The following GLB1L2 variants were observed in gnomAD, a reference collection of about 807,000 sequenced individuals.
GLB1L2 encodes beta-galactosidase-1-like protein 2.
In GLB1L2, 68 loss-of-function variants were observed where a neutral mutation model predicts 84.1. The ratio of observed to expected loss-of-function variants is 0.81; its 90% CI spans 0.67 to 0.99. GLB1L2 has a LOEUF of 0.99. Among genes scored for constraint, GLB1L2 ranks in the 50% least tolerant of loss-of-function variants. GLB1L2 has a pLI of 0.00. For synonymous variants in GLB1L2, 290 were observed against 318.0 expected (o/e 0.91, Z 0.94); for missense variants, 762 against 805.6 (o/e 0.95, Z 0.66).
At chr11:134,343,864 C>A (rs1011552544) in intron 2 of GLB1L2, among the ~76,000 whole-genome samples, 2 of 152,206 alleles carry the variant, frequency 1.3e-5, no homozygotes, top group Non-Finnish European at 2.9e-5. Context: ...CGAAAGCCAG[C>A]GATGGGGTGG....
At position 134,370,910 on chromosome 11, in the gene GLB1L2, A is replaced by G; in HGVS notation, c.1216-98A>G. On this transcript the variant is annotated intron_variant, in intron 12 of 18. Transcript: ENST00000535456. This position sits in a 1 kb window ranked among gnomAD's most constrained non-coding sequence, Gnocchi z 4.7. ...AGTCAAAGTAGAAAACACCCACCAA[A>G]CCTCCGCTTCCACCCCATGTGCCAG... 7.2e-7 allele frequency: 1 copy of G among 1,380,868 alleles called. No homozygotes were observed. The highest frequency in any genetic ancestry group is 1.0e-6 in the Non-Finnish European group (1 of 998,782). 85.5% of individuals were successfully genotyped at this position (1,380,868 alleles called of 1,614,324 possible).
intron 5 of GLB1L2, chr11:134,356,062 A>G: frequency 6.2e-6 from 4 of 641,016 alleles, no homozygotes; most frequent in East Asian, 6.4e-5. Context: ...TTGGTTAGAC[A>G]CTTAAATGGT....
rs190327876 is a variant in GLB1L2 at position 134,374,841 on chromosome 11, C to T, written c.1824+123C>T. The T allele has an allele frequency of 1.1e-4, 125 of 1,157,402 alleles. No homozygotes were observed. In the African/African-American group the frequency reaches 1.3e-3, roughly 12 times the overall value. 71.7% of individuals were successfully genotyped at this position (1,157,402 alleles called of 1,614,324 possible). A position where few individuals can be genotyped will look rare whatever the true frequency, so the allele number is the denominator to read the frequency against. On this transcript the variant is annotated intron_variant, in intron 18 of 18. Coordinates refer to ENST00000535456, the MANE Select transcript of GLB1L2 (RefSeq NM_001370461.1). ...CTTCCTCCCTCCTCCTCGCTGCAGA[C>T]GAGTTGTTGGTCCCTGTCCCTTCCA... is the stretch of plus-strand genomic sequence containing the variant.
At chr11:134,346,215 C>A (rs1943550471) in intron 4 of GLB1L2, among the ~76,000 whole-genome samples, 1 of 152,226 alleles carries the variant, frequency 6.6e-6, no homozygotes, top group Admixed American at 6.5e-5. Flanking sequence ...CTACCCAGGG[C>A]CACTTCTCAG....
chr11:134,348,496 A>G (rs1423742576), intron 5 of GLB1L2, among the ~76,000 whole-genome samples: 1 of 152,228 alleles, frequency 6.6e-6, no homozygotes, highest in African/African-American at 2.4e-5. Context: ...GCAGACGTGC[A>G]GCGGGTCACC....
intron 7 of GLB1L2, chr11:134,360,046 G>A (rs183374383): frequency 5.2e-5 from 8 of 152,468 alleles, no homozygotes; most frequent in Admixed American, 3.3e-4. Context: ...TCATTCATCT[G>A]TTTCACCCAG....
chr11:134,371,695 T>C (rs1943954165), intron 14 of GLB1L2, 57 bp from the exon 15 acceptor site: 2 of 1,572,152 alleles, frequency 1.3e-6, no homozygotes, highest in African/African-American at 2.7e-5. Flanking sequence ...CACAAGCAAA[T>C]TCTGAGGGGC....
At chr11:134,348,529 G>A (rs1043707457) in intron 5 of GLB1L2, among the ~76,000 whole-genome samples, 12 of 152,062 alleles carry the variant, frequency 7.9e-5, no homozygotes, top group African/African-American at 2.2e-4. Flanking sequence ...TGAAATAAAC[G>A]ATAACATAAT....
intron 1 of GLB1L2, among the ~76,000 whole-genome samples, chr11:134,336,334 T>G (rs1943387337): frequency 6.6e-6 from 1 of 152,222 alleles, no homozygotes; most frequent in Admixed American, 6.5e-5. Flanking sequence ...GCCCCTAGGC[T>G]AGGCACCCTT....
intron 4 of GLB1L2, among the ~76,000 whole-genome samples, chr11:134,345,645 A>G (rs1334682921): frequency 1.3e-5 from 2 of 151,886 alleles, no homozygotes; most frequent in African/African-American, 4.8e-5. Context: ...TAATTTTTGT[A>G]TTTTTAGTAA....
At chr11:134,349,712 T>C (rs1016019444) in intron 5 of GLB1L2, among the ~76,000 whole-genome samples, 2 of 152,238 alleles carry the variant, frequency 1.3e-5, no homozygotes, top group African/African-American at 4.8e-5. Context: ...CATGTGCTGA[T>C]TGGTCTTTTG....
intron 1 of GLB1L2, among the ~76,000 whole-genome samples, chr11:134,340,519 G>T (rs1213529724): frequency 1.3e-5 from 2 of 152,310 alleles, no homozygotes; most frequent in Non-Finnish European, 2.9e-5. Context: ...TTTGGAGCAG[G>T]TGTGGCCTGA....
At chr11:134,362,759 C>G (rs774737384) in intron 7 of GLB1L2, among the ~76,000 whole-genome samples, 4 of 152,166 alleles carry the variant, frequency 2.6e-5, no homozygotes, top group Admixed American at 2.6e-4. Context: ...GGATGGCCCC[C>G]GAGGAGGGGA....
intron 9 of GLB1L2, among the ~76,000 whole-genome samples, chr11:134,367,821 A>G (rs1421489479): frequency 6.6e-6 from 1 of 152,248 alleles, no homozygotes; most frequent in Non-Finnish European, 1.5e-5. Context: ...ACTGTTTTAA[A>G]GAATGTGAAG....
At chr11:134,342,684 G>GA in intron 1 of GLB1L2, 70 bp from the exon 2 acceptor site, 1 of 1,470,292 alleles carries the variant, frequency 6.8e-7, no homozygotes, top group Non-Finnish European at 9.3e-7. Flanking sequence ...GAGGACCTGC[G>GA]AAGGGGCGAG....
chr11:134,356,424 T>A, intron 6 of GLB1L2, 31 bp downstream of exon 6: 1 of 1,507,694 alleles, frequency 6.6e-7, no homozygotes, highest in Non-Finnish European at 9.2e-7. Context: ...TTTCTTTAGA[T>A]TCCTTCCTCT....
At chr11:134,356,189 A>AT in intron 5 of GLB1L2, 112 bp from the exon 6 acceptor site, 1 of 815,924 alleles carries the variant, frequency 1.2e-6, no homozygotes, top group South Asian at 1.4e-5. Flanking sequence ...ATCTTTTGAG[A>AT]TTTTAGTTTT....
chr11:134,353,395 G>A (rs1287383534), intron 5 of GLB1L2, among the ~76,000 whole-genome samples: 1 of 152,160 alleles, frequency 6.6e-6, no homozygotes, highest in South Asian at 2.1e-4. Context: ...GGGTGACAGA[G>A]CAAGACTCTG....
chr11:134,344,651 C>T (rs1943519810), intron 3 of GLB1L2, among the ~76,000 whole-genome samples, 196 bp downstream of exon 3: 1 of 152,284 alleles, frequency 6.6e-6, no homozygotes, highest in South Asian at 2.1e-4. Flanking sequence ...GGGCCTGCAG[C>T]CTCCGGGCCC....
Sources: allele counts gnomAD v4.1 joint callset (sites outside exome capture counted in the v4.1 genomes callset), GRCh38; gene constraint gnomAD v4.1.1; non-coding constraint Gnocchi (gnomAD v3.1); transcripts MANE v1.5; gene names NCBI Gene and HGNC (gene_info 2026-07-23, HGNC 2026-07-21).